WDR64: variants seen among roughly 807,000 people sequenced by gnomAD.
The protein encoded by WDR64 is WD repeat domain 64, also known as WD repeat-containing protein 64.
WDR64 carries 112 observed loss-of-function variants against 139.3 expected under a neutral mutation model. The observed-to-expected ratio is 0.80, with a 90% CI of 0.69 to 0.94. The LOEUF is 0.94. Ranked by LOEUF, WDR64 falls within the 40% of genes least tolerant of loss-of-function variation. The probability of loss-of-function intolerance (pLI) is 0.00; values close to 1 mark genes in which losing one functional copy is unlikely to be tolerated. For missense variants in WDR64, 1,206 were observed against 1,293.1 expected (o/e 0.93, Z 1.03); for synonymous variants, 444 against 437.7 (o/e 1.01, Z -0.18).
chr1:241,796,250 C>T lies in WDR64; in HGVS notation c.3079-7C>T, dbSNP rs753925347. ...GTGTGTCTCACTGACTAATTTATGG[C>T]TTCCAGATATCAAGCCCCACTAGTC... On this transcript the variant is annotated splice_polypyrimidine_tract_variant and splice_region_variant and intron_variant, in intron 26 of 27. Transcript: ENST00000437684. 1.9e-6 allele frequency: 3 copies of T among 1,604,058 alleles called. No individual in the cohort carries two copies. The East Asian group carries it at 6.7e-5, about 36-fold the overall frequency.
intron 2 of WDR64, 137 bp from the exon 3 acceptor site, chr1:241,670,937 G>A: frequency 1.7e-6 from 1 of 586,676 alleles, no homozygotes; most frequent in Non-Finnish European, 2.9e-6. Flanking sequence ...CTGGTATAGG[G>A]AACCCCCTGA....
rs753842175 is a variant in WDR64, at chr1:241,660,696, GTAT to G, written c.276+41_276+43del. ...TTCATGTTCATAATATGAAATCCAG[GTAT>G]TATTTTTCTAAGTTTGGAATAAATA... On this transcript the variant is annotated intron_variant, in intron 2 of 27. Coordinates refer to ENST00000437684, the MANE Select transcript of WDR64 (RefSeq NM_001367482.1). The G allele has an allele frequency of 8.4e-6, 13 of 1,540,000 alleles. No individual in the cohort carries two copies. In the East Asian group the frequency reaches 1.7e-4, roughly 20 times the overall value.
chr1:241,720,415 C>A (rs1002769687), intron 9 of WDR64, among the ~76,000 whole-genome samples: 1 of 152,168 alleles, frequency 6.6e-6, no homozygotes, highest in African/African-American at 2.4e-5. Flanking sequence ...TTTACACTCC[C>A]ACCAACACTG....
At chr1:241,723,178 C>T in intron 9 of WDR64, 119 bp from the exon 10 acceptor site, 2 of 1,315,674 alleles carry the variant, frequency 1.5e-6, no homozygotes, top group Non-Finnish European at 2.1e-6. Context: ...ATGCATCCTG[C>T]CAGAAACGGA....
chr1:241,701,995 T>G (rs1667731074), intron 8 of WDR64, among the ~76,000 whole-genome samples: 1 of 152,192 alleles, frequency 6.6e-6, no homozygotes, highest in African/African-American at 2.4e-5. Flanking sequence ...TCAAAAAAAT[T>G]TCCATTCAGA....
At chr1:241,694,593 A>C (rs1667415713) in intron 8 of WDR64, among the ~76,000 whole-genome samples, 1 of 152,200 alleles carries the variant, frequency 6.6e-6, no homozygotes, top group Admixed American at 6.5e-5. Flanking sequence ...ATTATATACT[A>C]TGCTGGCAAT....
chr1:241,654,282 G>A (rs1454621052), intron 1 of WDR64, among the ~76,000 whole-genome samples: 1 of 152,062 alleles, frequency 6.6e-6, no homozygotes, highest in Non-Finnish European at 1.5e-5. Flanking sequence ...TTTTCTTTAA[G>A]CTACCACTGT....
rs994637278 is a variant in WDR64 at position 241,703,292 on chromosome 1, C to T, written c.975-8510C>T. ...CTTCCATTCAGTGAACAACCCCTAT[C>T]GTGTAACACATGCCCCCTGAAAAAA... is the stretch of plus-strand genomic sequence containing the variant. On this transcript the variant is annotated intron_variant, in intron 8 of 27. Transcript: ENST00000437684. The surrounding 1 kb of genome is among the most constrained non-coding windows in gnomAD (Gnocchi z 5.9). Among the ~76,000 whole-genome samples the T allele has an allele frequency of 4.6e-5, 7 of 152,084 alleles. No homozygotes were observed. Among genetic ancestry groups the T allele is most frequent in the East Asian group, 1.9e-4 (1 of 5,188 alleles).
chr1:241,698,894 G>T (rs569585296), intron 8 of WDR64, among the ~76,000 whole-genome samples: 25 of 152,332 alleles, frequency 1.6e-4, no homozygotes, highest in African/African-American at 5.5e-4. Context: ...TTGACTCACA[G>T]TTCTGCAGGG....
chr1:241,743,519 A>G (rs1479091304), intron 12 of WDR64, among the ~76,000 whole-genome samples: 1 of 152,090 alleles, frequency 6.6e-6, no homozygotes, highest in Non-Finnish European at 1.5e-5. Context: ...TACCCAGCTA[A>G]AGTGGCTTGC....
intron 23 of WDR64, among the ~76,000 whole-genome samples, chr1:241,787,028 A>G (rs1337309935): frequency 6.6e-6 from 1 of 152,078 alleles, no homozygotes; most frequent in Non-Finnish European, 1.5e-5. Flanking sequence ...ATATTTCCCA[A>G]AAAGTTTGCA....
intron 11 of WDR64, among the ~76,000 whole-genome samples, chr1:241,740,180 G>A (rs1392367315): frequency 6.6e-6 from 1 of 152,164 alleles, no homozygotes; most frequent in African/African-American, 2.4e-5. Context: ...TCTAACTCTG[G>A]ACTCCACATT....
intron 23 of WDR64, among the ~76,000 whole-genome samples, chr1:241,786,742 A>G (rs1419176908): frequency 6.6e-6 from 1 of 152,212 alleles, no homozygotes; most frequent in Admixed American, 6.5e-5. Flanking sequence ...GCCTAATTCA[A>G]TGAATACACT....
chr1:241,679,418 T>C, intron 5 of WDR64, 67 bp from the exon 6 acceptor site: 4 of 1,392,306 alleles, frequency 2.9e-6, no homozygotes, highest in Non-Finnish European at 3.0e-6. Context: ...AACCTGCTCT[T>C]TGGTGACCAT....
chr1:241,754,979 A>G (rs1259705768), intron 14 of WDR64, among the ~76,000 whole-genome samples: 1 of 152,142 alleles, frequency 6.6e-6, no homozygotes, highest in Non-Finnish European at 1.5e-5. Flanking sequence ...ATTGATGGGC[A>G]TTTAGGTTGG....
intron 10 of WDR64, among the ~76,000 whole-genome samples, chr1:241,735,823 ATCTCTC>A (rs762750963): frequency 2.0e-3 from 163 of 82,914 alleles, no homozygotes; most frequent in Non-Finnish European, 3.2e-3. Context: ...TTCTCTTTCT[ATCTCTC>A]TCTCTCTCTC....
At chr1:241,760,070 C>T (rs1438090268) in intron 15 of WDR64, among the ~76,000 whole-genome samples, 1 of 152,152 alleles carries the variant, frequency 6.6e-6, no homozygotes, top group African/African-American at 2.4e-5. Flanking sequence ...AAAGGCTGAA[C>T]ATTATTCCAT....
At position 241,795,214 on chromosome 1, in the gene WDR64, G is replaced by C; in HGVS notation, c.3005G>C (p.Arg1002Thr). 6.2e-7 allele frequency: 1 copy of C among 1,613,790 alleles called. No individual in the cohort carries two copies. Among genetic ancestry groups the C allele is most frequent in the Non-Finnish European group, 8.5e-7 (1 of 1,179,858 alleles). ...FKSLSSPKIR[R>T]YPLEGFVTEN... ...CATCCCTTTGTTTTGCAGATTCGAAGATATCCCTTGGAAGGTTTCGTGACT... is the reference window on the plus strand; with the variant it reads ...CATCCCTTTGTTTTGCAGATTCGAACATATCCCTTGGAAGGTTTCGTGACT... Residue 1002 changes from arginine to threonine, a missense_variant, in exon 26 of 28, where the codon AGA (arginine) becomes ACA (threonine). Transcript: ENST00000437684.
At chr1:241,666,048 T>G (rs1417009100) in intron 2 of WDR64, among the ~76,000 whole-genome samples, 2 of 152,212 alleles carry the variant, frequency 1.3e-5, no homozygotes, top group Non-Finnish European at 2.9e-5. Context: ...AATGAACATA[T>G]GTTCCTTATA....
Sources: allele counts gnomAD v4.1 joint callset (sites outside exome capture counted in the v4.1 genomes callset), GRCh38; gene constraint gnomAD v4.1.1; non-coding constraint Gnocchi (gnomAD v3.1); transcripts MANE v1.5; gene names NCBI Gene and HGNC (gene_info 2026-07-23, HGNC 2026-07-21).